Variants in CECR2 observed in about 807,000 individuals in gnomAD.
The protein encoded by CECR2 is CECR2 histone acetyl-lysine reader.
Under a neutral mutation model 154.5 loss-of-function variants are expected in CECR2, and 30 were observed. That is an observed-to-expected ratio of 0.19 (90% confidence interval 0.15 to 0.26). The LOEUF (loss-of-function observed/expected upper bound fraction) is 0.26, where lower values mean the gene tolerates loss of function less well. CECR2 is among the 10% of genes least tolerant of loss of function. The probability of loss-of-function intolerance (pLI) is 1.00; values close to 1 mark genes in which losing one functional copy is unlikely to be tolerated. For missense variants in CECR2, 1,743 were observed against 1,829.3 expected (o/e 0.95, Z 0.86); for synonymous variants, 725 against 683.7 (o/e 1.06, Z -0.94).
intron 1 of CECR2, among the ~76,000 whole-genome samples, chr22:17,428,816 GTGTGTGTGTGTA>G (rs2054373454): frequency 6.6e-6 from 1 of 150,814 alleles, no homozygotes; most frequent in Non-Finnish European, 1.5e-5. Context: ...GTGTGTGTGT[GTGTGTGTGTGTA>G]TATAAAGGCA....
Position 17,549,315 on chromosome 22 carries a change from T to C in CECR2, c.4028T>C (p.Leu1343Pro), listed in dbSNP as rs776956929. Residue 1343 changes from leucine to proline, a missense_variant, in exon 17 of 19, where the codon CTG becomes CCG. By Grantham distance (98) the Leu-to-Pro change is moderately conservative. Around this residue, in one of 4 missense-constraint regions of CECR2, gnomAD observed 1,250 missense variants for 1,192.1 expected, o/e 1.05. Coordinates refer to ENST00000262608, the MANE Select transcript of CECR2 (RefSeq NM_001290047.2). ...SSAFPPHSVM[L>P]QTGPPYTPQR... Reference sequence around the variant, plus strand: ...GCATTTCCACCCCACAGTGTGATGCTGCAGACGGGGCCTCCCTATACCCCT... The same window carrying C: ...GCATTTCCACCCCACAGTGTGATGCCGCAGACGGGGCCTCCCTATACCCCT... The C allele has an allele frequency of 6.2e-7, 1 of 1,614,002 alleles. No individual in the cohort carries two copies. Among genetic ancestry groups the C allele is most frequent in the Non-Finnish European group, 8.5e-7 (1 of 1,179,900 alleles).
chr22:17,520,581 C>A (rs1237659680), intron 8 of CECR2, among the ~76,000 whole-genome samples: 2 of 152,138 alleles, frequency 1.3e-5, no homozygotes, highest in African/African-American at 2.4e-5. Flanking sequence ...CCCAGTCCCC[C>A]ACCCTCTGAC....
chr22:17,491,039 GTAGCATGAATCAGTAC>G (rs1252702422), intron 2 of CECR2, among the ~76,000 whole-genome samples: 1 of 149,914 alleles, frequency 6.7e-6, no homozygotes, highest in East Asian at 1.9e-4. Context: ...TAACCATGTT[GTAGCATGAATCAGTAC>G]TTCATTCATT....
rs532914929 is a variant in CECR2, at chr22:17,481,076, C to G, written c.221+3394C>G. Among the ~76,000 whole-genome samples, 555 of 117,458 alleles carry G rather than the reference C, an allele frequency of 4.7e-3. 4 individuals are homozygous for G. Among genetic ancestry groups the G allele is most frequent in the Non-Finnish European group, 8.7e-3 (442 of 50,784 alleles). 77.1% of individuals were successfully genotyped at this position (117,458 alleles called of 152,430 possible). Reference sequence around the variant, plus strand: ...AAAAAAAAAAAGGCCGGGCACGGTGCCTCACGCCTGTAATCCCAGCACTTT... The same window carrying G: ...AAAAAAAAAAAGGCCGGGCACGGTGGCTCACGCCTGTAATCCCAGCACTTT... On this transcript the variant is annotated intron_variant, in intron 2 of 18. Transcript: ENST00000262608.
At chr22:17,527,633 G>T (rs541082543) in intron 9 of CECR2, among the ~76,000 whole-genome samples, 1 of 152,176 alleles carries the variant, frequency 6.6e-6, no homozygotes, top group Admixed American at 6.5e-5. Flanking sequence ...TAGGCATGGT[G>T]GCACACGCCT....
chr22:17,539,353 G>T (rs1025758012), intron 13 of CECR2, among the ~76,000 whole-genome samples: 3 of 152,198 alleles, frequency 2.0e-5, no homozygotes, highest in African/African-American at 7.2e-5. Flanking sequence ...CTGGAGACCA[G>T]TCTGGGTCTG....
At position 17,552,787 on chromosome 22, in the gene CECR2, T is replaced by A. The variant is rs1035892165; in HGVS notation, c.4390-48T>A. 2.2e-6 allele frequency: 3 copies of A among 1,391,190 alleles called. No homozygotes were observed. Among genetic ancestry groups the A allele is most frequent in the African/African-American group, 3.0e-5 (2 of 66,220 alleles). 86.2% of individuals were successfully genotyped at this position (1,391,190 alleles called of 1,614,324 possible). On this transcript the variant is annotated intron_variant, in intron 18 of 18. Coordinates refer to ENST00000262608, the MANE Select transcript of CECR2 (RefSeq NM_001290047.2). ...TGGCTTACTTAAGTTTTTTTTTTTT[T>A]AACAACCCAATTTTTATTTTTGTTT...
At chr22:17,401,705 T>C (rs2146535222) in intron 1 of CECR2, among the ~76,000 whole-genome samples, 2 of 152,274 alleles carry the variant, frequency 1.3e-5, no homozygotes, top group East Asian at 3.9e-4. Flanking sequence ...TACTATAGTT[T>C]GTTTATTGAG....
At chr22:17,485,545 G>A (rs77185636) in intron 2 of CECR2, among the ~76,000 whole-genome samples, 11,969 of 152,206 alleles carry the variant, frequency 0.079, 666 homozygotes, top group East Asian at 0.25. Context: ...GAGGCAGGCC[G>A]CTCACATGAA....
intron 1 of CECR2, among the ~76,000 whole-genome samples, chr22:17,421,735 G>A (rs1185089972): frequency 6.6e-6 from 1 of 150,628 alleles, no homozygotes; most frequent in East Asian, 1.9e-4. Flanking sequence ...AGAGGTTGCA[G>A]TGAGCCGAGA....
At chr22:17,364,259 C>T (rs1156334452) in intron 1 of CECR2, among the ~76,000 whole-genome samples, 1 of 137,424 alleles carries the variant, frequency 7.3e-6, no homozygotes, top group Non-Finnish European at 1.5e-5. Context: ...AGGAGAATGG[C>T]GTGAACCTGG....
At chr22:17,508,765 A>G (rs2055890255) in intron 7 of CECR2, among the ~76,000 whole-genome samples, 1 of 152,154 alleles carries the variant, frequency 6.6e-6, no homozygotes, top group Admixed American at 6.6e-5. Context: ...TCACCTAAGA[A>G]TGTGGTTTCT....
chr22:17,364,260 G>T (rs866694729), intron 1 of CECR2, among the ~76,000 whole-genome samples: 1 of 150,002 alleles, frequency 6.7e-6, no homozygotes. Context: ...GGAGAATGGC[G>T]TGAACCTGGG....
Position 17,548,176 on chromosome 22 carries a change from A to G in CECR2, c.2889A>G (p.Lys963=). ...QAEPLPGLEE[K]PPGVGTSEGV... is the part of the protein sequence containing the mutation. Reference sequence around the variant, plus strand: ...AGCCGTTGCCTGGCCTTGAAGAGAAACCACCAGGTGTTGGTACTTCAGAGG... The same window carrying G: ...AGCCGTTGCCTGGCCTTGAAGAGAAGCCACCAGGTGTTGGTACTTCAGAGG... Residue 963 remains lysine (K), a synonymous_variant, in exon 17 of 19, where the codon AAA becomes AAG. Coordinates refer to ENST00000262608, the MANE Select transcript of CECR2 (RefSeq NM_001290047.2). 2 of 1,563,800 alleles carry G rather than the reference A, an allele frequency of 1.3e-6. No individual in the cohort carries two copies. Among genetic ancestry groups the G allele is most frequent in the Non-Finnish European group, 1.7e-6 (2 of 1,155,106 alleles).
intron 1 of CECR2, among the ~76,000 whole-genome samples, chr22:17,407,449 G>T (rs748823807): frequency 1.3e-5 from 2 of 152,274 alleles, no homozygotes; most frequent in Admixed American, 6.5e-5. Flanking sequence ...CACAAAATTC[G>T]CCAGGCACGG....
chr22:17,504,205 C>G (rs934094069), intron 6 of CECR2, among the ~76,000 whole-genome samples: 1 of 151,678 alleles, frequency 6.6e-6, no homozygotes, highest in South Asian at 2.1e-4. Flanking sequence ...AACCCTGTCT[C>G]TACGAAAAAT....
intron 1 of CECR2, among the ~76,000 whole-genome samples, chr22:17,423,190 C>G (rs2054282664): frequency 6.6e-6 from 1 of 152,074 alleles, no homozygotes; most frequent in Non-Finnish European, 1.5e-5. Flanking sequence ...TAGGTCTCAG[C>G]CTTTTAGTGA....
In CECR2 at chr22:17,540,681, G is replaced by A. The variant is rs141453031; in HGVS notation, c.1765G>A (p.Asp589Asn). Residue 589 changes from aspartate to asparagine, a missense_variant, in exon 14 of 19, where the codon GAT (aspartate) becomes AAT (asparagine). Physicochemically the swap from Asp to Asn is conservative, Grantham distance 23. Coordinates refer to ENST00000262608, the MANE Select transcript of CECR2 (RefSeq NM_001290047.2). ...PTRRAPSSGD[D>N]QSSSSTQPPR... ...ACGCCGAGCGCCCTCTTCTGGGGAC[G>A]ATCAGAGCAGCAGCTCCACACAGCC... 5 of 1,613,940 alleles carry A rather than the reference G, an allele frequency of 3.1e-6. No homozygotes were observed. In the East Asian group the frequency reaches 6.7e-5, roughly 22 times the overall value.
rs1555935206 is a variant in CECR2, at chr22:17,549,788, T to TTG, written c.4277+225_4277+226insGT. ...CCACACCCAGCTAACTTTTTGGTTTTTTTTTTTTTTTTTTTTTGGTGGAGG... is the reference window on the plus strand; with the variant it reads ...CCACACCCAGCTAACTTTTTGGTTTTTGTTTTTTTTTTTTTTTTTGGTGGAGG... On this transcript the variant is annotated intron_variant, in intron 17 of 18. Transcript: ENST00000262608. 2.1e-4 allele frequency among the ~76,000 whole-genome samples: 30 copies of TTG among 143,776 alleles called. 1 individual carries two copies. Among genetic ancestry groups the TTG allele is most frequent in the African/African-American group, 6.7e-4 (26 of 38,626 alleles). 94.3% of individuals were successfully genotyped at this position (143,776 alleles called of 152,430 possible).
Sources: gnomAD v4.1 joint callset for allele counts (sites outside exome capture counted in the v4.1 genomes callset) on GRCh38, gnomAD v4.1.1 for gene constraint, gnomAD v4.1.1 regional missense constraint, MANE v1.5 for transcripts, NCBI Gene and HGNC (gene_info 2026-07-23, HGNC 2026-07-21) for gene names.